The following MCAM variants were observed in gnomAD, a reference collection of about 807,000 sequenced individuals.
MCAM encodes the protein cell surface glycoprotein MUC18.
Under a neutral mutation model 79.1 loss-of-function variants are expected in MCAM, and 55 were observed. The observed-to-expected ratio is 0.70, with a 90% CI of 0.56 to 0.87. The LOEUF (loss-of-function observed/expected upper bound fraction) is 0.87. Among genes scored for constraint, MCAM ranks in the 40% least tolerant of loss-of-function variants. The pLI, the probability that MCAM is intolerant of heterozygous loss-of-function variation, is 0.00. For synonymous variants in MCAM, 330 were observed against 339.8 expected (o/e 0.97, Z 0.32); for missense variants, 745 against 839.8 (o/e 0.89, Z 1.40).
At chr11:119,313,024 G>T (rs771134357) in intron 5 of MCAM, 75 bp from the exon 6 acceptor site, 2 of 1,603,660 alleles carry the variant, frequency 1.2e-6, no homozygotes, top group East Asian at 2.2e-5. Context: ...GTCCACTGGG[G>T]TTGGCAGGGG....
In MCAM at chr11:119,311,630, T is replaced by C. The variant is rs2135338535; in HGVS notation, c.1307A>G (p.Lys436Arg). ...CTCTTTCACCCACACCTTCCTCTCCTTGAATGCCATCCAAGGGGGGCCTTG... is the reference window on the plus strand; with the variant it reads ...CTCTTTCACCCACACCTTCCTCTCCCTGAATGCCATCCAAGGGGGGCCTTG... ...AIFGPPWMAF[K>R]ERKVWVKENM... Residue 436 changes from lysine (K) to arginine (R), a missense_variant, in exon 11 of 16, where the codon AAG becomes AGG. By Grantham distance (26) the Lys-to-Arg change is conservative. Coordinates refer to ENST00000264036, the MANE Select transcript of MCAM (RefSeq NM_006500.3). This position sits in a 1 kb window ranked among gnomAD's most constrained non-coding sequence, Gnocchi z 4.4. 3 of 1,614,126 alleles carry C rather than the reference T, an allele frequency of 1.9e-6. No individual in the cohort carries two copies. Among genetic ancestry groups the C allele is most frequent in the Non-Finnish European group, 2.5e-6 (3 of 1,180,008 alleles).
rs2135331881 is a variant in MCAM, at chr11:119,309,106, G to A, written c.*780C>T. On this transcript the variant is annotated 3_prime_UTR_variant, in exon 16 of 16. Coordinates refer to ENST00000264036, the MANE Select transcript of MCAM (RefSeq NM_006500.3). Reference sequence around the variant, plus strand: ...CCTGCTTCAGCCTTCCGAGTAGCTGGGACTATAGGTGCCAACCACTACGCC... The same window carrying A: ...CCTGCTTCAGCCTTCCGAGTAGCTGAGACTATAGGTGCCAACCACTACGCC... The A allele has an allele frequency of 6.6e-6, 1 of 152,332 alleles. No individual in the cohort carries two copies. Among genetic ancestry groups the A allele is most frequent in the South Asian group, 2.1e-4 (1 of 4,824 alleles). 9.4% of individuals were successfully genotyped at this position (152,332 alleles called of 1,614,324 possible).
rs780782045 is a variant in MCAM at position 119,313,089 on chromosome 11, G to A, written c.560-140C>T. ...GAAGGCCAGGTACAAATGCAAGCTG[G>A]AAACCCTTCAACCCAGCACTTTTAC... On this transcript the variant is annotated intron_variant, in intron 5 of 15. Coordinates refer to ENST00000264036, the MANE Select transcript of MCAM (RefSeq NM_006500.3). 6.5e-6 allele frequency: 10 copies of A among 1,542,432 alleles called. No individual in the cohort carries two copies. The African/African-American group carries it at 9.6e-5, about 15-fold the overall frequency.
intron 5 of MCAM, chr11:119,313,287 G>A (rs977285672): frequency 2.2e-6 from 3 of 1,343,212 alleles, no homozygotes; most frequent in East Asian, 4.6e-5. Context: ...TAAGCAAAAC[G>A]ATCAGTTGAT....
intron 5 of MCAM, chr11:119,313,439 C>T: frequency 2.4e-6 from 2 of 844,726 alleles, no homozygotes; most frequent in African/African-American, 1.8e-5. Context: ...CTCTTGTTGC[C>T]CAGGCTGGAG....
rs376539634 is a variant in MCAM at position 119,311,524 on chromosome 11, G to A, written c.1407+6C>T. On this transcript the variant is annotated splice_donor_region_variant and intron_variant, in intron 11 of 15. Transcript: ENST00000264036. The surrounding 1 kb of genome is among the most constrained non-coding windows in gnomAD (Gnocchi z 4.4). ...GGAGAGTGTGGCAGATGAGACACCC[G>A]CTCACCGTGCCGTTGACGTTCCAGG... 3.8e-4 allele frequency: 620 copies of A among 1,613,956 alleles called. 1 individual carries two copies. Among genetic ancestry groups the A allele is most frequent in the Middle Eastern group, 6.6e-4 (4 of 6,084 alleles).
In MCAM at chr11:119,311,167, G is replaced by A. The variant is rs1950228360; in HGVS notation, c.1568C>T (p.Thr523Ile). The A allele has an allele frequency of 6.2e-7, 1 of 1,614,096 alleles. No individual in the cohort carries two copies. The highest frequency in any genetic ancestry group is 8.5e-7 in the Non-Finnish European group (1 of 1,180,028). The change falls in exon 13 of 16, where the codon ACA becomes ATA. Residue 523 changes from threonine to isoleucine, a missense_variant. Transcript: ENST00000264036. This position sits in a 1 kb window ranked among gnomAD's most constrained non-coding sequence, Gnocchi z 4.4. ...FLELVNLTTL[T>I]PDSNTTTGLS... ...GCCAGTGGTTGTGTTGGAGTCTGGT[G>A]TGAGGGTGGTTAAATTGACTAGGAG...
Position 119,311,935 on chromosome 11 carries a change from C to T in MCAM, c.1158G>A (p.Leu386=), listed in dbSNP as rs150566113. 2.6e-4 allele frequency: 427 copies of T among 1,613,682 alleles called. No individual in the cohort carries two copies. Among genetic ancestry groups the T allele is most frequent in the Non-Finnish European group, 3.3e-4 (395 of 1,180,018 alleles). Residue 386 remains leucine, a synonymous_variant, in exon 10 of 16, where the codon CTG becomes CTA. Coordinates refer to ENST00000264036, the MANE Select transcript of MCAM (RefSeq NM_006500.3). The surrounding 1 kb of genome is among the most constrained non-coding windows in gnomAD (Gnocchi z 4.4). The part of the protein sequence containing the change: ...QWLREETGQV[L]ERGPVLQLHD... The stretch of plus-strand genomic sequence containing the variant: ...GCAACTGAAGCACAGGCCCCCTTTC[C>T]AGCACCTGGCCTGTCTGGGATGAGA...
rs1483083835 is a variant in MCAM, at chr11:119,316,182, G to C, written c.67+853C>G. 1 of 152,282 alleles carries C rather than the reference G, an allele frequency of 6.6e-6. No homozygotes were observed. Among genetic ancestry groups the C allele is most frequent in the African/African-American group, 2.4e-5 (1 of 41,452 alleles). The allele number at this position is 152,282 out of a possible 1,614,324, so 9.4% of individuals were successfully genotyped here. On this transcript the variant is annotated intron_variant, in intron 1 of 15. Coordinates refer to ENST00000264036, the MANE Select transcript of MCAM (RefSeq NM_006500.3). The surrounding 1 kb of genome is among the most constrained non-coding windows in gnomAD (Gnocchi z 4.8). ...CCTGGAATACCCCAGGGACATGGTTGGCACTGGGCATGAGGCCAGCGAGCT... is the reference window on the plus strand; with the variant it reads ...CCTGGAATACCCCAGGGACATGGTTCGCACTGGGCATGAGGCCAGCGAGCT...
At position 119,312,047 on chromosome 11, in the gene MCAM, G is replaced by T; in HGVS notation, c.1143+5C>A. On this transcript the variant is annotated splice_donor_5th_base_variant and intron_variant, in intron 9 of 15. Transcript: ENST00000264036. This position sits in a 1 kb window ranked among gnomAD's most constrained non-coding sequence, Gnocchi z 4.9. ...CAGCCCCTTGCCCCAGACCCGCCTG[G>T]GTACCTCTTCTCTCAGCCACTGGAA... is the stretch of plus-strand genomic sequence containing the variant. 1 of 1,609,724 alleles carries T rather than the reference G, an allele frequency of 6.2e-7. No individual in the cohort carries two copies. Among genetic ancestry groups the T allele is most frequent in the Admixed American group, 1.7e-5 (1 of 59,774 alleles).
rs1344307563 is a variant in MCAM at position 119,316,782 on chromosome 11, C to T, written c.67+253G>A. On this transcript the variant is annotated intron_variant, in intron 1 of 15. Coordinates refer to ENST00000264036, the MANE Select transcript of MCAM (RefSeq NM_006500.3). This position sits in a 1 kb window ranked among gnomAD's most constrained non-coding sequence, Gnocchi z 4.8. The stretch of plus-strand genomic sequence containing the variant: ...GCACCCCGAAAGGCTGAGCTCCACC[C>T]CTTCTCGTTCCCAGAAGCAGCCTCC... 7 of 499,878 alleles carry T rather than the reference C, an allele frequency of 1.4e-5. No homozygotes were observed. In the African/African-American group the frequency reaches 1.5e-4, roughly 10 times the overall value. The allele number at this position is 499,878 out of a possible 1,614,324, so 31.0% of individuals were successfully genotyped here.
Position 119,311,052 on chromosome 11 carries a change from C to T in MCAM, c.1645+38G>A. The T allele has an allele frequency of 6.2e-7, 1 of 1,614,166 alleles. No homozygotes were observed. The highest frequency in any genetic ancestry group is 8.5e-7 in the Non-Finnish European group (1 of 1,179,998). On this transcript the variant is annotated intron_variant, in intron 13 of 15. Transcript: ENST00000264036. This position sits in a 1 kb window ranked among gnomAD's most constrained non-coding sequence, Gnocchi z 4.4. ...GGGAGGGACAGGGCAGAAAGGATGC[C>T]CTGGCACAGCCCTGTTCTCTTGCCA...
rs778818749 is a variant in MCAM, at chr11:119,312,557, G to A, written c.831C>T (p.Asn277=). The A allele has an allele frequency of 5.6e-6, 9 of 1,614,132 alleles. No homozygotes were observed. The Admixed American group carries it at 1.0e-4, about 18-fold the overall frequency. ...TGCTGATGCTGAAGTGTGGTGGAGG[G>A]TTGCCATCAGCCAAACACCTGATTT... The part of the protein sequence containing the change: ...RVEIRCLADG[N]PPPHFSISKQ... Residue 277 remains asparagine (N), a synonymous_variant, in exon 7 of 16, where the codon AAC becomes AAT. Transcript: ENST00000264036. The surrounding 1 kb of genome is among the most constrained non-coding windows in gnomAD (Gnocchi z 4.9).
chr11:119,312,765 C>T lies in MCAM; in HGVS notation c.739+5G>A, dbSNP rs751639693. ...CAGTAAGCAGAGAGTCAGGTTAGTACTCACAGAAAACAGGGACGGTGACTT... is the reference window on the plus strand; with the variant it reads ...CAGTAAGCAGAGAGTCAGGTTAGTATTCACAGAAAACAGGGACGGTGACTT... On this transcript the variant is annotated splice_donor_5th_base_variant and intron_variant, in intron 6 of 15. Coordinates refer to ENST00000264036, the MANE Select transcript of MCAM (RefSeq NM_006500.3). The surrounding 1 kb of genome is among the most constrained non-coding windows in gnomAD (Gnocchi z 4.9). 2.3e-5 allele frequency: 37 copies of T among 1,613,748 alleles called. No homozygotes were observed. The highest frequency in any genetic ancestry group is 2.8e-5 in the Non-Finnish European group (33 of 1,179,876).
At chr11:119,313,088 G>A (rs1356922634) in intron 5 of MCAM, 139 bp from the exon 6 acceptor site, 1 of 1,543,124 alleles carries the variant, frequency 6.5e-7, no homozygotes, top group Non-Finnish European at 8.7e-7. Flanking sequence ...AATGCAAGCT[G>A]GAAACCCTTC....
chr11:119,309,872 G>A lies in MCAM; in HGVS notation c.*14C>T, dbSNP rs1488315782. 6 of 1,596,988 alleles carry A rather than the reference G, an allele frequency of 3.8e-6. No homozygotes were observed. The highest frequency in any genetic ancestry group is 4.3e-6 in the Non-Finnish European group (5 of 1,171,358). Reference sequence around the variant, plus strand: ...AATGGTCCAGGCAGGGAAGGGAGCTGAAGTGATTCGGGGCTAATGCCTCAG... The same window carrying A: ...AATGGTCCAGGCAGGGAAGGGAGCTAAAGTGATTCGGGGCTAATGCCTCAG... On this transcript the variant is annotated 3_prime_UTR_variant, in exon 16 of 16. Transcript: ENST00000264036.
rs958968403 is a variant in MCAM at position 119,315,825 on chromosome 11, G to C, written c.68-562C>G. On this transcript the variant is annotated intron_variant, in intron 1 of 15. Coordinates refer to ENST00000264036, the MANE Select transcript of MCAM (RefSeq NM_006500.3). The surrounding 1 kb of genome is among the most constrained non-coding windows in gnomAD (Gnocchi z 4.4). ...CCCGCGGACCCCACCCTAGGTAGCT[G>C]GTAAGGATGGAGAGGTCAGAGTCTC... The C allele has an allele frequency of 6.2e-6, 1 of 160,988 alleles. No homozygotes were observed. 10.0% of individuals were successfully genotyped at this position (160,988 alleles called of 1,614,324 possible).
At position 119,315,286 on chromosome 11, in the gene MCAM, C is replaced by G. The variant is rs543181016; in HGVS notation, c.68-23G>C. 4.3e-5 allele frequency: 68 copies of G among 1,599,114 alleles called. No individual in the cohort carries two copies. Among genetic ancestry groups the G allele is most frequent in the African/African-American group, 3.2e-4 (24 of 74,854 alleles). ...CACCTGGGGGAGGGAGGCGGGGCCCCCGCAGCTGTGTCAGCTCCGGCTGCT... is the reference window on the plus strand; with the variant it reads ...CACCTGGGGGAGGGAGGCGGGGCCCGCGCAGCTGTGTCAGCTCCGGCTGCT... On this transcript the variant is annotated intron_variant, in intron 1 of 15. Transcript: ENST00000264036. The surrounding 1 kb of genome is among the most constrained non-coding windows in gnomAD (Gnocchi z 4.4).
chr11:119,312,393 G>C lies in MCAM; in HGVS notation c.897C>G (p.Thr299=). 1.2e-6 allele frequency: 2 copies of C among 1,614,080 alleles called. No homozygotes were observed. Among genetic ancestry groups the C allele is most frequent in the Non-Finnish European group, 1.7e-6 (2 of 1,179,988 alleles). ...CCAGCACCAGGACCCCGTTGTCGTTGGTTGTCTCTTCCTCTGCCTCCCTGG... is the reference window on the plus strand; with the variant it reads ...CCAGCACCAGGACCCCGTTGTCGTTCGTTGTCTCTTCCTCTGCCTCCCTGG... ...PSTREAEEET[T]NDNGVLVLEP... is the part of the protein sequence containing the mutation. The change falls in exon 8 of 16, where the codon ACC becomes ACG. Residue 299 remains threonine, a synonymous_variant. Transcript: ENST00000264036. This position sits in a 1 kb window ranked among gnomAD's most constrained non-coding sequence, Gnocchi z 4.9.
Sources: allele counts gnomAD v4.1 joint callset, GRCh38; gene constraint gnomAD v4.1.1; non-coding constraint Gnocchi (gnomAD v3.1); transcripts MANE v1.5; gene names NCBI Gene and HGNC (gene_info 2026-07-23, HGNC 2026-07-21).